Variants in BCKDHB observed in about 807,000 individuals in gnomAD.
BCKDHB encodes branched chain keto acid dehydrogenase E1 subunit beta, also known as 2-oxoisovalerate dehydrogenase subunit beta, mitochondrial.
BCKDHB carries 41 observed loss-of-function variants against 48.5 expected under a neutral mutation model. The ratio of observed to expected loss-of-function variants is 0.85; its 90% CI spans 0.66 to 1.10. The LOEUF is 1.10. BCKDHB is among the 50% of genes least tolerant of loss of function. The pLI, the probability that BCKDHB is intolerant of heterozygous loss-of-function variation, is 0.00. For missense variants in BCKDHB, 496 were observed against 494.2 expected, an observed-to-expected ratio of 1.00 and a Z score of -0.03; for synonymous variants, 201 against 174.8, an observed-to-expected ratio of 1.15 and a Z score of -1.18.
intron 9 of BCKDHB, among the ~76,000 whole-genome samples, chr6:80,276,510 G>A (rs1777974865): frequency 2.0e-5 from 3 of 151,842 alleles, no homozygotes; most frequent in Middle Eastern, 3.4e-3. Context: ...ATAAGAAGTG[G>A]TATTGGCATT....
chr6:80,122,554 A>G (rs1163963898), intron 1 of BCKDHB, among the ~76,000 whole-genome samples: 3 of 152,220 alleles, frequency 2.0e-5, no homozygotes, highest in Admixed American at 6.5e-5. Context: ...GTGACATCCC[A>G]TATTGGTAGG....
chr6:80,202,329 C>A (rs1774435735), intron 7 of BCKDHB, among the ~76,000 whole-genome samples: 1 of 152,096 alleles, frequency 6.6e-6, no homozygotes. Flanking sequence ...TTCAGTTTTC[C>A]ATTTCTTGTT....
chr6:80,344,097 T>C lies in BCKDHB; in HGVS notation c.*293T>C, dbSNP rs926732. The C allele has an allele frequency of 0.78, 309,299 of 395,064 alleles. 122,458 individuals carry two copies. The highest frequency in any genetic ancestry group is 0.84 in the Admixed American group (22,686 of 27,010). The allele number at this position is 395,064 out of a possible 1,614,324, so 24.5% of individuals were successfully genotyped here. ...CTCACTGCAACCTCCCCCCTACCCCTGAGTTCAAGCGATTCTCCTGCCTCA... is the reference window on the plus strand; with the variant it reads ...CTCACTGCAACCTCCCCCCTACCCCCGAGTTCAAGCGATTCTCCTGCCTCA... On this transcript the variant is annotated 3_prime_UTR_variant, in exon 10 of 10. Coordinates refer to ENST00000320393, the MANE Select transcript of BCKDHB (RefSeq NM_183050.4).
intron 6 of BCKDHB, among the ~76,000 whole-genome samples, chr6:80,188,975 A>G (rs796814506): frequency 1.3e-5 from 2 of 152,172 alleles, no homozygotes; most frequent in South Asian, 2.1e-4. Flanking sequence ...CAGATTATTT[A>G]GAATTATTTA....
At chr6:80,413,824 G>C in the BCKDHB span, among the ~76,000 whole-genome samples, 1 of 152,106 alleles carries the variant, frequency 6.6e-6, no homozygotes, top group African/African-American at 2.4e-5. Context: ...CCAGTAATGG[G>C]GTTGCTGGGT....
At chr6:80,191,917 A>G (rs981201251) in intron 6 of BCKDHB, among the ~76,000 whole-genome samples, 6 of 152,216 alleles carry the variant, frequency 3.9e-5, no homozygotes, top group African/African-American at 1.4e-4. Context: ...TTCATTTAAA[A>G]AAGTGCTGCA....
chr6:80,187,152 C>T (rs1773681369), intron 6 of BCKDHB, among the ~76,000 whole-genome samples: 1 of 152,116 alleles, frequency 6.6e-6, no homozygotes, highest in Admixed American at 6.5e-5. Context: ...CCATTTTCTC[C>T]ATGTTGGTAA....
At chr6:80,406,658 T>G in the BCKDHB span, among the ~76,000 whole-genome samples, 1 of 152,234 alleles carries the variant, frequency 6.6e-6, no homozygotes, top group Non-Finnish European at 1.5e-5. Flanking sequence ...TGTCTTCTTT[T>G]GAGAAATGTC....
chr6:80,342,449 G>C (rs1213089190), intron 9 of BCKDHB, among the ~76,000 whole-genome samples: 1 of 151,142 alleles, frequency 6.6e-6, no homozygotes, highest in Non-Finnish European at 1.5e-5. Context: ...GTCTGGGCTT[G>C]GGGACTCACA....
chr6:80,205,885 T>C (rs1774633279), intron 8 of BCKDHB, among the ~76,000 whole-genome samples: 1 of 150,112 alleles, frequency 6.7e-6, no homozygotes, highest in Non-Finnish European at 1.5e-5. Flanking sequence ...AGCCCTGAAA[T>C]GAGTGGCATG....
the BCKDHB span, among the ~76,000 whole-genome samples, chr6:80,450,314 A>T: frequency 6.6e-6 from 1 of 152,174 alleles, no homozygotes; most frequent in East Asian, 1.9e-4. Context: ...TGTATTAATC[A>T]GCTTTTCTTT....
At chr6:80,393,431 A>T in the BCKDHB span, among the ~76,000 whole-genome samples, 1 of 152,160 alleles carries the variant, frequency 6.6e-6, no homozygotes, top group Non-Finnish European at 1.5e-5. Context: ...CTTGTAAAAG[A>T]GGTCTGAGAG....
chr6:80,230,463 T>A (rs1775879812), intron 8 of BCKDHB, among the ~76,000 whole-genome samples: 1 of 152,214 alleles, frequency 6.6e-6, no homozygotes, highest in Non-Finnish European at 1.5e-5. Context: ...TGCAGTGCCA[T>A]GTAAACAAGC....
Position 80,123,924 on chromosome 6 carries a change from C to T in BCKDHB, c.197-3623C>T, listed in dbSNP as rs1277070927. On this transcript the variant is annotated intron_variant, in intron 1 of 9. Transcript: ENST00000320393. ...CTGCTCTGATCTTAGTTATTTCTTG[C>T]CTTCTGCTAGCTTTTGAATTTATTT... Among the ~76,000 whole-genome samples the T allele has an allele frequency of 2.0e-5, 3 of 151,940 alleles. No individual in the cohort carries two copies. The East Asian group carries it at 5.8e-4, about 29-fold the overall frequency.
At position 80,269,409 on chromosome 6, in the gene BCKDHB, A is replaced by C. The variant is rs142247907; in HGVS notation, c.952-3726A>C. On this transcript the variant is annotated intron_variant, in intron 8 of 9. Coordinates refer to ENST00000320393, the MANE Select transcript of BCKDHB (RefSeq NM_183050.4). Reference sequence around the variant, plus strand: ...GACTGTTTTTAATGCTTTTTTGACAAATCTTTTAGAACAAATCTTTTGTTC... The same window carrying C: ...GACTGTTTTTAATGCTTTTTTGACACATCTTTTAGAACAAATCTTTTGTTC... Among the ~76,000 whole-genome samples, 548 of 152,238 alleles carry C rather than the reference A, an allele frequency of 3.6e-3. 4 individuals carry two copies. The highest frequency in any genetic ancestry group is 0.01 in the Middle Eastern group (3 of 294).
the BCKDHB span, among the ~76,000 whole-genome samples, chr6:80,379,698 TA>T: frequency 6.6e-6 from 1 of 152,008 alleles, no homozygotes; most frequent in African/African-American, 2.4e-5. Flanking sequence ...TAGAAAACCC[TA>T]AAGGCTCCTC....
At chr6:80,411,732 G>A in the BCKDHB span, among the ~76,000 whole-genome samples, 5 of 152,244 alleles carry the variant, frequency 3.3e-5, no homozygotes, top group East Asian at 3.9e-4. Context: ...TGCTGCGCTA[G>A]CAGTGAGCAA....
chr6:80,124,995 C>G (rs577697765), intron 1 of BCKDHB, among the ~76,000 whole-genome samples: 14 of 152,288 alleles, frequency 9.2e-5, no homozygotes, highest in African/African-American at 3.4e-4. Context: ...TCCTTTGAAG[C>G]CAGGCATTGA....
intron 3 of BCKDHB, among the ~76,000 whole-genome samples, chr6:80,130,461 C>T (rs1012927228): frequency 6.6e-6 from 1 of 152,120 alleles, no homozygotes; most frequent in African/African-American, 2.4e-5. Context: ...TTGGGAACTT[C>T]CAGCTTAGTC....
Sources: allele counts gnomAD v4.1 joint callset (sites outside exome capture counted in the v4.1 genomes callset), GRCh38; gene constraint gnomAD v4.1.1; transcripts MANE v1.5; gene names NCBI Gene and HGNC (gene_info 2026-07-23, HGNC 2026-07-21).